The following TENM3 variants were observed in gnomAD, a reference collection of about 807,000 sequenced individuals.
TENM3 encodes teneurin-3.
Under a neutral mutation model 255.1 loss-of-function variants are expected in TENM3, and 63 were observed. The ratio of observed to expected loss-of-function variants is 0.25; its 90% confidence interval spans 0.20 to 0.30. The LOEUF is 0.30. Ranked by LOEUF, TENM3 falls within the 10% of genes least tolerant of loss-of-function variation. TENM3 has a pLI of 1.00. For missense variants in TENM3, 2,929 were observed against 3,461.1 expected, an observed-to-expected ratio of 0.85 and a Z score of 3.86; for synonymous variants, 1,306 against 1,322.3, an observed-to-expected ratio of 0.99 and a Z score of 0.27.
the TENM3 span, among the ~76,000 whole-genome samples, chr4:181,633,320 G>C: frequency 6.6e-6 from 1 of 152,084 alleles, no homozygotes; most frequent in East Asian, 1.9e-4. Context: ...TGAAAGGGAG[G>C]GTAGATAATT....
At chr4:181,740,794 G>A in the TENM3 span, among the ~76,000 whole-genome samples, 1 of 152,076 alleles carries the variant, frequency 6.6e-6, no homozygotes, top group Non-Finnish European at 1.5e-5. Flanking sequence ...AGAGAATTCA[G>A]ACTGGATTCC....
chr4:182,255,661 ACAG>A (rs1758341869), intron 1 of TENM3, among the ~76,000 whole-genome samples: 1 of 152,174 alleles, frequency 6.6e-6, no homozygotes, highest in African/African-American at 2.4e-5. Flanking sequence ...GGGATGACCA[ACAG>A]CAGCCAGAGA....
chr4:182,188,062 C>A (rs1753281984), intron 1 of TENM3, among the ~76,000 whole-genome samples: 1 of 152,076 alleles, frequency 6.6e-6, no homozygotes, highest in Non-Finnish European at 1.5e-5. Flanking sequence ...TTTTGAAATA[C>A]AATTTTGAAG....
chr4:182,247,297 G>A (rs941252636), intron 1 of TENM3, among the ~76,000 whole-genome samples: 4 of 152,170 alleles, frequency 2.6e-5, no homozygotes, highest in Non-Finnish European at 5.9e-5. Context: ...GGAACTGGGG[G>A]TTGGTTGTCT....
At chr4:182,223,662 T>C (rs1407477895) in intron 1 of TENM3, among the ~76,000 whole-genome samples, 1 of 152,012 alleles carries the variant, frequency 6.6e-6, no homozygotes, top group African/African-American at 2.4e-5. Context: ...TTAAGTGCCA[T>C]GATTAAATCT....
the TENM3 span, among the ~76,000 whole-genome samples, chr4:181,506,533 G>A: frequency 1.3e-5 from 2 of 152,114 alleles, no homozygotes; most frequent in Non-Finnish European, 2.9e-5. Flanking sequence ...GAGAAGTCAA[G>A]GGATGGGGAA....
At chr4:181,972,894 C>A in the TENM3 span, among the ~76,000 whole-genome samples, 1,823 of 152,194 alleles carry the variant, frequency 0.012, 34 homozygotes, top group African/African-American at 0.041. Flanking sequence ...ATTAATTGAT[C>A]ACTTGCTCTT....
At chr4:181,564,882 GTGAT>G in the TENM3 span, among the ~76,000 whole-genome samples, 1 of 152,014 alleles carries the variant, frequency 6.6e-6, no homozygotes, top group Non-Finnish European at 1.5e-5. Context: ...TTTTTTCTCT[GTGAT>G]ATCTCAGTGG....
chr4:181,767,379 G>A, the TENM3 span, among the ~76,000 whole-genome samples: 2 of 151,748 alleles, frequency 1.3e-5, no homozygotes, highest in Admixed American at 1.3e-4. Flanking sequence ...TAATAACAAA[G>A]GGAGAATATA....
At chr4:182,128,233 C>CT in the TENM3 span, among the ~76,000 whole-genome samples, 120 of 150,686 alleles carry the variant, frequency 8.0e-4, no homozygotes, top group African/African-American at 2.7e-3. Flanking sequence ...TTATCTTATC[C>CT]TTTTTTTTTC....
At chr4:182,069,010 A>G in the TENM3 span, among the ~76,000 whole-genome samples, 3 of 152,210 alleles carry the variant, frequency 2.0e-5, no homozygotes, top group African/African-American at 7.2e-5. Flanking sequence ...ATATGATAGA[A>G]AAAAGCATAA....
At chr4:182,699,865 G>A (rs1032132537) in intron 12 of TENM3, among the ~76,000 whole-genome samples, 4 of 151,676 alleles carry the variant, frequency 2.6e-5, no homozygotes, top group East Asian at 1.9e-4. Flanking sequence ...AATTACCACC[G>A]AAACCGAGTA....
At chr4:181,627,197 G>T in the TENM3 span, among the ~76,000 whole-genome samples, 5 of 152,124 alleles carry the variant, frequency 3.3e-5, no homozygotes, top group South Asian at 8.3e-4. Context: ...AATATATGGG[G>T]TGCAGAAAGA....
chr4:181,916,833 G>A, the TENM3 span, among the ~76,000 whole-genome samples: 11 of 151,984 alleles, frequency 7.2e-5, no homozygotes, highest in African/African-American at 2.4e-4. Context: ...CCGGGATCGC[G>A]CCACTGCAAT....
chr4:181,979,598 G>C, the TENM3 span, among the ~76,000 whole-genome samples: 1 of 152,160 alleles, frequency 6.6e-6, no homozygotes, highest in East Asian at 1.9e-4. Flanking sequence ...TTGGCTTGGT[G>C]TGGGTTCAGG....
the TENM3 span, among the ~76,000 whole-genome samples, chr4:181,482,262 T>C: frequency 1.3e-5 from 2 of 152,156 alleles, no homozygotes; most frequent in African/African-American, 2.4e-5. Flanking sequence ...TTCTCCTTTC[T>C]ACACTTAGGC....
the TENM3 span, among the ~76,000 whole-genome samples, chr4:182,137,687 G>A: frequency 8.3e-4 from 127 of 152,244 alleles, no homozygotes; most frequent in African/African-American, 2.8e-3. Context: ...TTTCTCTCTC[G>A]GAGCAGAAAG....
chr4:181,741,483 G>T, the TENM3 span, among the ~76,000 whole-genome samples: 1 of 152,086 alleles, frequency 6.6e-6, no homozygotes, highest in East Asian at 1.9e-4. Context: ...AAAAAAAGGA[G>T]CCATATGTTC....
Position 182,601,027 on chromosome 4 carries a change from A to G in TENM3, c.615A>G (p.Arg205=). ...QHHPSITSLN[R]NSLTNRRNQS... ...ATCCATCCATCACTTCTCTCAACAG[A>G]AACTCCCTGACCAATAGAAGGAACC... Residue 205 remains arginine (R), a synonymous_variant, in exon 4 of 28, where the codon AGA becomes AGG. Coordinates refer to ENST00000511685, the MANE Select transcript of TENM3 (RefSeq NM_001080477.4). 1 of 1,613,388 alleles carries G rather than the reference A, an allele frequency of 6.2e-7. No homozygotes were observed. The highest frequency in any genetic ancestry group is 8.5e-7 in the Non-Finnish European group (1 of 1,179,784).
Sources: gnomAD v4.1 joint callset for allele counts (sites outside exome capture counted in the v4.1 genomes callset) on GRCh38, gnomAD v4.1.1 for gene constraint, MANE v1.5 for transcripts, NCBI Gene and HGNC (gene_info 2026-07-23, HGNC 2026-07-21) for gene names.